The following MTA3 variants were observed in gnomAD, a reference collection of about 807,000 sequenced individuals.
The protein encoded by MTA3 is metastasis associated 1 family member 3.
MTA3 carries 34 observed loss-of-function variants against 83.5 expected under a neutral mutation model. The observed-to-expected ratio is 0.41, with a 90% confidence interval of 0.31 to 0.54. The LOEUF is 0.54. Among genes scored for constraint, MTA3 ranks in the 20% least tolerant of loss-of-function variants. The pLI is 0.33. For missense variants in MTA3, 761 were observed against 726.4 expected, an observed-to-expected ratio of 1.05 and a Z score of -0.55; for synonymous variants, 303 against 252.7, an observed-to-expected ratio of 1.20 and a Z score of -1.89.
chr2:42,679,642 C>T (rs1394736244), intron 8 of MTA3, among the ~76,000 whole-genome samples: 2 of 152,222 alleles, frequency 1.3e-5, no homozygotes, highest in Non-Finnish European at 2.9e-5. Flanking sequence ...TTGTGTCACA[C>T]AGATCTCTCC....
chr2:42,680,413 C>G (rs186790163), intron 8 of MTA3: 130 of 152,188 alleles, frequency 8.5e-4, no homozygotes, highest in Middle Eastern at 3.4e-3. Flanking sequence ...TCTATTGTTG[C>G]GTAGAAGTGA....
At chr2:42,533,080 ATTC>A in intron 2 of MTA3, 1 of 148,778 alleles carries the variant, frequency 6.7e-6, no homozygotes, top group Non-Finnish European at 1.4e-5. Context: ...CTTGTGGGGC[ATTC>A]TTTTTTTTTT....
At chr2:42,697,112 A>G (rs780704765) in intron 10 of MTA3, among the ~76,000 whole-genome samples, 1 of 152,190 alleles carries the variant, frequency 6.6e-6, no homozygotes, top group Admixed American at 6.5e-5. Context: ...GACATCAACC[A>G]TATGTTATTT....
At chr2:42,498,430 G>A (rs540514765) in intron 2 of MTA3, among the ~76,000 whole-genome samples, 6 of 152,260 alleles carry the variant, frequency 3.9e-5, no homozygotes, top group African/African-American at 1.2e-4. Flanking sequence ...TCTCCGGTGT[G>A]GACTGAAGGT....
At position 42,709,173 on chromosome 2, in the gene MTA3, T is replaced by A; in HGVS notation, c.1525+77T>A. The A allele has an allele frequency of 2.0e-6, 3 of 1,491,126 alleles. No homozygotes were observed. The East Asian group carries it at 7.4e-5, about 37-fold the overall frequency. The allele number at this position is 1,491,126 out of a possible 1,614,324, so 92.4% of individuals were successfully genotyped here. A position where few individuals can be genotyped will look rare whatever the true frequency, so the allele number is the denominator to read the frequency against. On this transcript the variant is annotated intron_variant, in intron 14 of 16. Transcript: ENST00000405094. ...CTCTTTTCCTCTCTTTCCTTTTTTTTTTGTTTGTTTGTTTGCAATAAACAT... is the reference window on the plus strand; with the variant it reads ...CTCTTTTCCTCTCTTTCCTTTTTTTATTGTTTGTTTGTTTGCAATAAACAT...
At chr2:42,697,721 CAGT>C (rs1693512799) in intron 10 of MTA3, 52 bp from the exon 11 acceptor site, 2 of 1,157,090 alleles carry the variant, frequency 1.7e-6, no homozygotes, top group Admixed American at 5.5e-5. Context: ...AGACAATGAA[CAGT>C]AGTAATAATT....
chr2:42,743,606 C>T (rs1172176233), intron 16 of MTA3, among the ~76,000 whole-genome samples: 1 of 152,164 alleles, frequency 6.6e-6, no homozygotes, highest in Non-Finnish European at 1.5e-5. Context: ...TTATTTTCTG[C>T]ATTGAGTAAT....
intron 6 of MTA3, among the ~76,000 whole-genome samples, chr2:42,652,879 C>G (rs1052647231): frequency 1.1e-4 from 17 of 152,176 alleles, no homozygotes; most frequent in African/African-American, 4.1e-4. Flanking sequence ...CTTGTGTGTT[C>G]CTGAATTACA....
At chr2:42,707,185 A>G (rs1666171153) in intron 12 of MTA3, among the ~76,000 whole-genome samples, 3 of 151,718 alleles carry the variant, frequency 2.0e-5, no homozygotes, top group African/African-American at 7.3e-5. Context: ...CTCCCTGAGT[A>G]CCTTAAATAA....
chr2:42,625,053 A>G (rs929731923), intron 4 of MTA3, among the ~76,000 whole-genome samples: 6 of 151,812 alleles, frequency 4.0e-5, no homozygotes, highest in African/African-American at 1.5e-4. Flanking sequence ...TTTTTTTGAG[A>G]TGGAGTCTTG....
At chr2:42,582,249 G>A (rs981166898) in intron 3 of MTA3, among the ~76,000 whole-genome samples, 2 of 151,970 alleles carry the variant, frequency 1.3e-5, no homozygotes, top group Admixed American at 1.3e-4. Context: ...CAGTAGAGAC[G>A]GGGTTTCACC....
chr2:42,720,711 T>G (rs1667341448), intron 15 of MTA3, among the ~76,000 whole-genome samples: 1 of 151,834 alleles, frequency 6.6e-6, no homozygotes, highest in South Asian at 2.1e-4. Flanking sequence ...GTAATCCCAG[T>G]ACTTTGAGAG....
chr2:42,537,496 C>T (rs753327240), intron 2 of MTA3, among the ~76,000 whole-genome samples: 3 of 151,488 alleles, frequency 2.0e-5, no homozygotes, highest in Non-Finnish European at 2.9e-5. Flanking sequence ...ACCCGGGAAG[C>T]GGAGGTTGCA....
chr2:42,731,140 C>CA (rs1278898917), intron 16 of MTA3, among the ~76,000 whole-genome samples: 3 of 152,020 alleles, frequency 2.0e-5, no homozygotes, highest in Non-Finnish European at 4.4e-5. Flanking sequence ...TTTATAATTT[C>CA]AAAAAATCAC....
At chr2:42,530,917 C>A (rs1251048583) in intron 2 of MTA3, among the ~76,000 whole-genome samples, 1 of 152,150 alleles carries the variant, frequency 6.6e-6, no homozygotes, top group African/African-American at 2.4e-5. Context: ...ACAACCTCCA[C>A]CTCCCAGGTT....
chr2:42,636,416 C>T (rs1160466665), intron 4 of MTA3, among the ~76,000 whole-genome samples: 1 of 151,796 alleles, frequency 6.6e-6, no homozygotes, highest in African/African-American at 2.4e-5. Flanking sequence ...GTGGCACACA[C>T]CTGTAGTCCC....
intron 2 of MTA3, among the ~76,000 whole-genome samples, chr2:42,509,103 C>T (rs922327383): frequency 2.6e-5 from 4 of 151,828 alleles, no homozygotes; most frequent in Non-Finnish European, 4.4e-5. Flanking sequence ...AGTGCAGTGG[C>T]GTGATCTTGG....
chr2:42,710,666 G>C (rs550337069), intron 14 of MTA3, among the ~76,000 whole-genome samples: 1 of 150,768 alleles, frequency 6.6e-6, no homozygotes, highest in Non-Finnish European at 1.5e-5. Flanking sequence ...TTTAGGTTTT[G>C]TGCTAGCATT....
At chr2:42,551,874 C>T (rs911399866) in intron 2 of MTA3, among the ~76,000 whole-genome samples, 3 of 151,752 alleles carry the variant, frequency 2.0e-5, no homozygotes, top group African/African-American at 7.3e-5. Context: ...TTACAGGCAC[C>T]CGCCACCACG....
Sources: gnomAD v4.1 joint callset for allele counts (sites outside exome capture counted in the v4.1 genomes callset) on GRCh38, gnomAD v4.1.1 for gene constraint, MANE v1.5 for transcripts, NCBI Gene and HGNC (gene_info 2026-07-23, HGNC 2026-07-21) for gene names.